The following OR4D1 variants were observed in gnomAD, a reference collection of about 807,000 sequenced individuals.
OR4D1 encodes olfactory receptor family 4 subfamily D member 1.
Under a neutral mutation model 14.2 loss-of-function variants are expected in OR4D1, and 10 were observed. The ratio of observed to expected loss-of-function variants is 0.71; its 90% confidence interval spans 0.44 to 1.20. OR4D1 has a LOEUF of 1.20. OR4D1 is among the 50% of genes most tolerant of loss of function. The probability of loss-of-function intolerance (pLI) is 0.00; values close to 1 mark genes in which losing one functional copy is unlikely to be tolerated. For missense variants in OR4D1, 345 were observed against 376.6 expected, an observed-to-expected ratio of 0.92 and a Z score of 0.70; for synonymous variants, 141 against 147.4, an observed-to-expected ratio of 0.96 and a Z score of 0.32.
intron 2 of OR4D1, among the ~76,000 whole-genome samples, chr17:58,151,685 TC>T (rs1967706656): frequency 6.6e-6 from 1 of 152,296 alleles, no homozygotes; most frequent in East Asian, 1.9e-4. Context: ...TAAAATCAAA[TC>T]CCATAGAGTT....
intron 2 of OR4D1, among the ~76,000 whole-genome samples, chr17:58,152,440 C>T (rs1967714070): frequency 6.6e-6 from 1 of 152,182 alleles, no homozygotes; most frequent in Admixed American, 6.5e-5. Flanking sequence ...TATGTTTTAT[C>T]ATGGAAATTT....
At position 58,158,443 on chromosome 17, in the gene OR4D1, A is replaced by ACT. The variant is rs1967805779; in HGVS notation, c.*2358_*2359insTC. The ACT allele has an allele frequency of 1.1e-5, 1 of 90,710 alleles. No individual in the cohort carries two copies. The highest frequency in any genetic ancestry group is 3.5e-5 in the African/African-American group (1 of 28,468). 5.6% of individuals were successfully genotyped at this position (90,710 alleles called of 1,614,324 possible). A position where few individuals can be genotyped will look rare whatever the true frequency, so the allele number is the denominator to read the frequency against. ...ACCATATTTGTTCCTATCTCTCCCCACGCCCACCCCCCCCCCACACACACA... is the reference window on the plus strand; with the variant it reads ...ACCATATTTGTTCCTATCTCTCCCCACTCGCCCACCCCCCCCCCACACACACA... On this transcript the variant is annotated 3_prime_UTR_variant, in exon 4 of 4. Transcript: ENST00000268912.
chr17:58,152,870 G>A (rs1967721071), intron 2 of OR4D1, among the ~76,000 whole-genome samples: 1 of 152,204 alleles, frequency 6.6e-6, no homozygotes, highest in Non-Finnish European at 1.5e-5. Context: ...GGCTCCTGGA[G>A]GTTGTAGTGA....
At position 58,155,970 on chromosome 17, in the gene OR4D1, A is replaced by T; in HGVS notation, c.817A>T (p.Ile273Phe). 6.2e-7 allele frequency: 1 copy of T among 1,613,942 alleles called. No individual in the cohort carries two copies. Among genetic ancestry groups the T allele is most frequent in the Non-Finnish European group, 8.5e-7 (1 of 1,179,832 alleles). ...ATTCCTCATGGACAAGGCTGTGTCC[A>T]TCAGCTACACAGTCATGACCCCCAT... is the stretch of plus-strand genomic sequence containing the variant. ...TPFLMDKAVS[I>F]SYTVMTPMLN... Residue 273 changes from isoleucine to phenylalanine, a missense_variant, in exon 4 of 4, where the codon ATC becomes TTC. Transcript: ENST00000268912.
rs1388415839 is a variant in OR4D1, at chr17:58,155,520, T to TACAGGAA, written c.370_371insGGAAACA (p.Ile124ArgfsTer55). 3 of 1,614,036 alleles carry TACAGGAA rather than the reference T, an allele frequency of 1.9e-6. No individual in the cohort carries two copies. The African/African-American group carries it at 4.0e-5, about 22-fold the overall frequency. Reference sequence around the variant, plus strand: ...TCTCTCAGTCATGGCCTATGACCGCTACATAGCCATCTCCCAGCCCCTCCG... The same window carrying TACAGGAA: ...TCTCTCAGTCATGGCCTATGACCGCTACAGGAAACATAGCCATCTCCCAGCCCCTCCG... On this transcript the variant is annotated frameshift_variant, in exon 4 of 4. Coordinates refer to ENST00000268912, the MANE Select transcript of OR4D1 (RefSeq NM_001386095.1). LOFTEE classifies it high-confidence loss of function.
Position 58,156,541 on chromosome 17 carries a change from G to A in OR4D1, c.*455G>A, listed in dbSNP as rs1044551599. 2.3e-4 allele frequency: 39 copies of A among 169,030 alleles called. No homozygotes were observed. The highest frequency in any genetic ancestry group is 6.4e-5 in the Non-Finnish European group (5 of 78,164). The allele number at this position is 169,030 out of a possible 1,614,324, so 10.5% of individuals were successfully genotyped here. On this transcript the variant is annotated 3_prime_UTR_variant, in exon 4 of 4. Transcript: ENST00000268912. ...TGGGATTACAGGCGTGAGCCACAGCGCCCGGCCTAACACTTCCACAGTTTT... is the reference window on the plus strand; with the variant it reads ...TGGGATTACAGGCGTGAGCCACAGCACCCGGCCTAACACTTCCACAGTTTT...
In OR4D1 at chr17:58,157,432, G is replaced by C. The variant is rs1967790872; in HGVS notation, c.*1346G>C. 9.0e-7 allele frequency: 1 copy of C among 1,115,542 alleles called. No homozygotes were observed. Among genetic ancestry groups the C allele is most frequent in the Non-Finnish European group, 1.4e-6 (1 of 740,256 alleles). 69.1% of individuals were successfully genotyped at this position (1,115,542 alleles called of 1,614,324 possible). A position where few individuals can be genotyped will look rare whatever the true frequency, so the allele number is the denominator to read the frequency against. On this transcript the variant is annotated 3_prime_UTR_variant, in exon 4 of 4. Coordinates refer to ENST00000268912, the MANE Select transcript of OR4D1 (RefSeq NM_001386095.1). ...TGAGAAAACACAAGACCAATCCGAA[G>C]CCGCGCACAGCCTTTACCACGTCCC...
chr17:58,152,779 C>CA (rs943984347), intron 2 of OR4D1, among the ~76,000 whole-genome samples: 1 of 151,740 alleles, frequency 6.6e-6, no homozygotes, highest in Admixed American at 6.6e-5. Flanking sequence ...ACTAAAAATA[C>CA]AAAAAAATAG....
Position 58,157,248 on chromosome 17 carries a change from C to A in OR4D1, c.*1162C>A. On this transcript the variant is annotated 3_prime_UTR_variant, in exon 4 of 4. Transcript: ENST00000268912. Reference sequence around the variant, plus strand: ...CCTGCGGCTACTGCTGCTGCCGGGGCACGGCGCTCGGGAAGCGCACAGCCC... The same window carrying A: ...CCTGCGGCTACTGCTGCTGCCGGGGAACGGCGCTCGGGAAGCGCACAGCCC... 6.8e-7 allele frequency: 1 copy of A among 1,466,558 alleles called. No individual in the cohort carries two copies. The highest frequency in any genetic ancestry group is 1.4e-5 in the South Asian group (1 of 70,018). The allele number at this position is 1,466,558 out of a possible 1,614,324, so 90.8% of individuals were successfully genotyped here.
Position 58,157,314 on chromosome 17 carries a change from T to A in OR4D1, c.*1228T>A. On this transcript the variant is annotated 3_prime_UTR_variant, in exon 4 of 4. Coordinates refer to ENST00000268912, the MANE Select transcript of OR4D1 (RefSeq NM_001386095.1). ...GCCCTTCGAGACCGCCTCGGTCAAG[T>A]GGGAAAACTCCCTAAGACGGAGCGG... The A allele has an allele frequency of 1.3e-6, 2 of 1,500,940 alleles. No homozygotes were observed. 93.0% of individuals were successfully genotyped at this position (1,500,940 alleles called of 1,614,324 possible).
rs897389179 is a variant in OR4D1, at chr17:58,156,904, T to C, written c.*818T>C. The C allele has an allele frequency of 1.7e-6, 1 of 585,750 alleles. No homozygotes were observed. The highest frequency in any genetic ancestry group is 3.1e-6 in the Non-Finnish European group (1 of 319,440). 36.3% of individuals were successfully genotyped at this position (585,750 alleles called of 1,614,324 possible). A position where few individuals can be genotyped will look rare whatever the true frequency, so the allele number is the denominator to read the frequency against. On this transcript the variant is annotated 3_prime_UTR_variant, in exon 4 of 4. Transcript: ENST00000268912. ...CCCACCTCCCTGCCTCATTCCCCACTGTGGAATTTAGAAAGTTATCTCGCC... is the reference window on the plus strand; with the variant it reads ...CCCACCTCCCTGCCTCATTCCCCACCGTGGAATTTAGAAAGTTATCTCGCC...
In OR4D1 at chr17:58,148,554, C is replaced by A; in HGVS notation, c.-525C>A. The stretch of plus-strand genomic sequence containing the variant: ...GAAGGTGATGGCCTCATTGTCCTTC[C>A]CATGGACAAATCAGCACGACAAAGC... On this transcript the variant is annotated 5_prime_UTR_variant, in exon 1 of 4. Coordinates refer to ENST00000268912, the MANE Select transcript of OR4D1 (RefSeq NM_001386095.1). The A allele has an allele frequency of 6.6e-6, 1 of 152,324 alleles. No individual in the cohort carries two copies. 9.4% of individuals were successfully genotyped at this position (152,324 alleles called of 1,614,324 possible).
In OR4D1 at chr17:58,155,754, TCCAAC is replaced by T. The variant is rs753464808; in HGVS notation, c.602_606del (p.Ser201Ter). ...CTCCCTCCTGGAGTTCCTCATGATC[TCCAAC>T]AGTGGGCTGCTAGTTATCATCTGGT... On this transcript the variant is annotated frameshift_variant, in exon 4 of 4. Transcript: ENST00000268912. LOFTEE classifies it high-confidence loss of function. 5 of 1,614,174 alleles carry T rather than the reference TCCAAC, an allele frequency of 3.1e-6. No individual in the cohort carries two copies. The highest frequency in any genetic ancestry group is 4.2e-6 in the Non-Finnish European group (5 of 1,180,026).
At position 58,157,434 on chromosome 17, in the gene OR4D1, C is replaced by T. The variant is rs551882918; in HGVS notation, c.*1348C>T. Reference sequence around the variant, plus strand: ...AGAAAACACAAGACCAATCCGAAGCCGCGCACAGCCTTTACCACGTCCCAG... The same window carrying T: ...AGAAAACACAAGACCAATCCGAAGCTGCGCACAGCCTTTACCACGTCCCAG... On this transcript the variant is annotated 3_prime_UTR_variant, in exon 4 of 4. Transcript: ENST00000268912. 1.5e-5 allele frequency: 17 copies of T among 1,117,220 alleles called. No homozygotes were observed. The highest frequency in any genetic ancestry group is 3.7e-5 in the Admixed American group (2 of 54,660). The allele number at this position is 1,117,220 out of a possible 1,614,324, so 69.2% of individuals were successfully genotyped here.
At chr17:58,150,052 C>T (rs2143655244) in intron 2 of OR4D1, among the ~76,000 whole-genome samples, 1 of 152,206 alleles carries the variant, frequency 6.6e-6, no homozygotes, top group Middle Eastern at 3.4e-3. Flanking sequence ...AGTAAGCATT[C>T]AAAAAATGTT....
chr17:58,156,001 AC>A lies in OR4D1; in HGVS notation c.852del (p.Met285Ter), dbSNP rs756346506. 216 of 1,466,142 alleles carry A rather than the reference AC, an allele frequency of 1.5e-4. No individual in the cohort carries two copies. The highest frequency in any genetic ancestry group is 1.8e-4 in the Non-Finnish European group (197 of 1,104,556). The allele number at this position is 1,466,142 out of a possible 1,614,324, so 90.8% of individuals were successfully genotyped here. ...TACACAGTCATGACCCCCATGCTCAACCCCATGATCTACACCCTGAGAAACC... is the reference window on the plus strand; with the variant it reads ...TACACAGTCATGACCCCCATGCTCAACCCATGATCTACACCCTGAGAAACC... Reference protein sequence around the residue: ...ISYTVMTPMLNPMIYTLRNQD... With the variant: ...ISYTVMTPMLXPMIYTLRNQD... On this transcript the variant is annotated frameshift_variant, in exon 4 of 4. Coordinates refer to ENST00000268912, the MANE Select transcript of OR4D1 (RefSeq NM_001386095.1). LOFTEE classifies it high-confidence loss of function.
At chr17:58,149,037 T>G (rs1967666511) in intron 1 of OR4D1, among the ~76,000 whole-genome samples, 1 of 152,186 alleles carries the variant, frequency 6.6e-6, no homozygotes, top group African/African-American at 2.4e-5. Context: ...CAGACTAGAT[T>G]CTACCCCATT....
Position 58,155,379 on chromosome 17 carries a change from G to C in OR4D1, c.226G>C (p.Val76Leu). The change falls in exon 4 of 4, where the codon GTC becomes CTC. Residue 76 changes from valine to leucine, a missense_variant. Transcript: ENST00000268912. ...LALIDLCYST[V>L]TSPKMLVDFL... ...TCTCATAGACCTCTGCTATTCCACA[G>C]TCACCTCTCCAAAGATGCTGGTGGA... 6.2e-7 allele frequency: 1 copy of C among 1,614,156 alleles called. No individual in the cohort carries two copies. Among genetic ancestry groups the C allele is most frequent in the Non-Finnish European group, 8.5e-7 (1 of 1,180,008 alleles).
rs372535012 is a variant in OR4D1 at position 58,155,894 on chromosome 17, G to A, written c.741G>A (p.Val247=). Residue 247 remains valine (V), a synonymous_variant, in exon 4 of 4, where the codon GTG becomes GTA. Coordinates refer to ENST00000268912, the MANE Select transcript of OR4D1 (RefSeq NM_001386095.1). ...ASTCTTHIIV[V]SMIFIPCIYI... is the part of the protein sequence containing the mutation. Reference sequence around the variant, plus strand: ...CCTGCACCACCCACATCATCGTGGTGTCCATGATCTTCATTCCCTGTATCT... The same window carrying A: ...CCTGCACCACCCACATCATCGTGGTATCCATGATCTTCATTCCCTGTATCT... 1.7e-5 allele frequency: 27 copies of A among 1,614,030 alleles called. No individual in the cohort carries two copies. The African/African-American group carries it at 2.9e-4, about 18-fold the overall frequency.
Sources: allele counts gnomAD v4.1 joint callset (sites outside exome capture counted in the v4.1 genomes callset), GRCh38; gene constraint gnomAD v4.1.1; transcripts MANE v1.5; gene names NCBI Gene and HGNC (gene_info 2026-07-23, HGNC 2026-07-21).